TVP23B: variants seen among roughly 807,000 people sequenced by gnomAD.
TVP23B encodes Golgi apparatus membrane protein TVP23 homolog B.
In TVP23B, 10 loss-of-function variants were observed where a neutral mutation model predicts 30.6. The ratio of observed to expected loss-of-function variants is 0.33; its 90% CI spans 0.20 to 0.55. The LOEUF (loss-of-function observed/expected upper bound fraction) is 0.55, where lower values mean the gene tolerates loss of function less well. Among genes scored for constraint, TVP23B ranks in the 20% least tolerant of loss-of-function variants. The pLI is 0.91. For synonymous variants in TVP23B, 67 were observed against 83.1 expected (o/e 0.81, Z 1.06); for missense variants, 153 against 243.2 (o/e 0.63, Z 2.47).
At chr17:18,781,348 A>C (rs548560790) in intron 1 of TVP23B, 43 bp downstream of exon 1, 304 of 1,565,454 alleles carry the variant, frequency 1.9e-4, no homozygotes, top group Non-Finnish European at 2.4e-4. Context: ...GGCTCCTGGG[A>C]CTGGCTCTGC....
chr17:18,789,997 G>T (rs1301584185), intron 2 of TVP23B, among the ~76,000 whole-genome samples: 2 of 152,326 alleles, frequency 1.3e-5, no homozygotes, highest in African/African-American at 4.8e-5. Flanking sequence ...GGGTTTGAAG[G>T]TAAATGGGGA....
chr17:18,793,345 C>T (rs2036025526), intron 3 of TVP23B, among the ~76,000 whole-genome samples: 1 of 151,242 alleles, frequency 6.6e-6, no homozygotes, highest in Non-Finnish European at 1.5e-5. Flanking sequence ...CGGTGGCTCA[C>T]ACCTATAATC....
chr17:18,797,276 A>T, intron 3 of TVP23B: 1 of 301,192 alleles, frequency 3.3e-6, no homozygotes, highest in Non-Finnish European at 6.4e-6. Flanking sequence ...CCAAATAGCA[A>T]GGGGTTTAGG....
chr17:18,801,164 C>A (rs972119030), intron 5 of TVP23B, among the ~76,000 whole-genome samples: 9 of 152,244 alleles, frequency 5.9e-5, no homozygotes, highest in Non-Finnish European at 1.3e-4. Flanking sequence ...CCGTTTTCAT[C>A]TCCTGTTATC....
intron 1 of TVP23B, among the ~76,000 whole-genome samples, chr17:18,788,736 C>T (rs1314836140): frequency 2.6e-5 from 4 of 152,262 alleles, no homozygotes; most frequent in Non-Finnish European, 5.9e-5. Flanking sequence ...GAGCCAAGAT[C>T]GTGCCATTGC....
intron 1 of TVP23B, 116 bp from the exon 2 acceptor site, chr17:18,789,237 A>T: frequency 5.5e-6 from 8 of 1,441,590 alleles, no homozygotes; most frequent in Non-Finnish European, 7.5e-6. Flanking sequence ...TGAATTCCTG[A>T]TGCTGTAACC....
intron 6 of TVP23B, among the ~76,000 whole-genome samples, chr17:18,804,778 T>C (rs149932536): frequency 1.1e-3 from 167 of 152,052 alleles, no homozygotes; most frequent in African/African-American, 4.0e-3. Context: ...TCAGTAGAGA[T>C]GGGATTTCAT....
chr17:18,804,489 T>G lies in TVP23B; in HGVS notation c.591+223T>G, dbSNP rs1423405741. Reference sequence around the variant, plus strand: ...AAAGCCAGGAAGGATAAACTATCATTGATAATAACTTATTTTTTAAAAATT... The same window carrying G: ...AAAGCCAGGAAGGATAAACTATCATGGATAATAACTTATTTTTTAAAAATT... On this transcript the variant is annotated intron_variant, in intron 6 of 6. Coordinates refer to ENST00000307767, the MANE Select transcript of TVP23B (RefSeq NM_016078.6). 3.2e-6 allele frequency: 4 copies of G among 1,245,690 alleles called. No individual in the cohort carries two copies. The Admixed American group carries it at 1.5e-4, about 47-fold the overall frequency. The allele number at this position is 1,245,690 out of a possible 1,614,324, so 77.2% of individuals were successfully genotyped here. A position where few individuals can be genotyped will look rare whatever the true frequency, so the allele number is the denominator to read the frequency against.
At chr17:18,800,933 C>G (rs2036155670) in intron 5 of TVP23B, among the ~76,000 whole-genome samples, 1 of 152,188 alleles carries the variant, frequency 6.6e-6, no homozygotes, top group Admixed American at 6.5e-5. Context: ...TATGTCAGAG[C>G]TGTCTGGAGA....
chr17:18,795,154 ATAGC>A (rs1247140397), intron 3 of TVP23B, among the ~76,000 whole-genome samples: 2 of 148,166 alleles, frequency 1.3e-5, no homozygotes, highest in Non-Finnish European at 3.0e-5. Context: ...ACCCTCCTAG[ATAGC>A]TGAGACTACA....
At chr17:18,788,896 G>A (rs375172101) in intron 1 of TVP23B, 2 of 157,846 alleles carry the variant, frequency 1.3e-5, no homozygotes, top group South Asian at 1.9e-4. Context: ...GTTATTCTGA[G>A]CACAAATAAT....
chr17:18,799,666 A>G (rs1351317591), intron 5 of TVP23B, among the ~76,000 whole-genome samples: 1 of 152,194 alleles, frequency 6.6e-6, no homozygotes, highest in Non-Finnish European at 1.5e-5. Context: ...TTTGGAAAAT[A>G]TAGTTTGTCA....
At chr17:18,795,696 A>AT (rs1665724241) in intron 3 of TVP23B, 1 of 152,240 alleles carries the variant, frequency 6.6e-6, no homozygotes, top group Non-Finnish European at 1.5e-5. Flanking sequence ...ATTGAGTTAT[A>AT]TGTGTAGTAG....
At chr17:18,789,507 A>G in intron 2 of TVP23B, 72 bp downstream of exon 2, 1 of 1,599,318 alleles carries the variant, frequency 6.3e-7, no homozygotes, top group Non-Finnish European at 8.6e-7. Flanking sequence ...GTGCTAGCTG[A>G]TGGGAGTCAA....
intron 3 of TVP23B, among the ~76,000 whole-genome samples, chr17:18,791,379 G>T (rs1413514324): frequency 7.1e-6 from 1 of 140,780 alleles, no homozygotes; most frequent in Non-Finnish European, 1.5e-5. Context: ...CATGGGTTTT[G>T]CTTCAGGCTT....
chr17:18,785,133 C>T (rs1597613441), intron 1 of TVP23B, among the ~76,000 whole-genome samples: 2 of 152,270 alleles, frequency 1.3e-5, no homozygotes, highest in Admixed American at 1.3e-4. Flanking sequence ...TCCTTCTTCT[C>T]CCCTCCCCCT....
chr17:18,787,121 G>A (rs1402111546), intron 1 of TVP23B, among the ~76,000 whole-genome samples: 1 of 151,984 alleles, frequency 6.6e-6, no homozygotes, highest in Non-Finnish European at 1.5e-5. Flanking sequence ...TTGGTTGGGC[G>A]TGGTGGCTCA....
chr17:18,798,971 A>T (rs1567636564), intron 5 of TVP23B, 28 bp downstream of exon 5: 1 of 1,598,648 alleles, frequency 6.3e-7, no homozygotes. Context: ...ACTTTCAAAT[A>T]ATCCATTAAG....
At chr17:18,796,036 G>T (rs1006472601) in intron 3 of TVP23B, 1 of 149,440 alleles carries the variant, frequency 6.7e-6, no homozygotes, top group Non-Finnish European at 1.5e-5. Context: ...TTTATTAATG[G>T]TAAGATCTAG....
Sources: gnomAD v4.1 joint callset for allele counts (sites outside exome capture counted in the v4.1 genomes callset) on GRCh38, gnomAD v4.1.1 for gene constraint, MANE v1.5 for transcripts, NCBI Gene and HGNC (gene_info 2026-07-23, HGNC 2026-07-21) for gene names.